RABL6: variants seen among roughly 807,000 people sequenced by gnomAD.
RABL6 encodes RAB, member RAS oncogene family like 6, also known as rab-like protein 6.
Under a neutral mutation model 72.9 loss-of-function variants are expected in RABL6, and 28 were observed. The observed-to-expected ratio is 0.38, with a 90% CI of 0.28 to 0.53. RABL6 has a LOEUF of 0.53. Among genes scored for constraint, RABL6 ranks in the 20% least tolerant of loss-of-function variants. The pLI, the probability that RABL6 is intolerant of heterozygous loss-of-function variation, is 0.80. For synonymous variants in RABL6, 477 were observed against 421.2 expected (o/e 1.13, Z -1.62); for missense variants, 1,029 against 1,008.4 (o/e 1.02, Z -0.28).
At chr9:136,828,597 G>T in intron 4 of RABL6, 51 bp downstream of exon 4, 1 of 1,573,416 alleles carries the variant, frequency 6.4e-7, no homozygotes. Flanking sequence ...CCCGGGGTGC[G>T]TGAGCCGGTG....
At chr9:136,819,401 G>A (rs1353763013) in intron 1 of RABL6, among the ~76,000 whole-genome samples, 1 of 151,856 alleles carries the variant, frequency 6.6e-6, no homozygotes, top group African/African-American at 2.4e-5. Context: ...AGGGGCAAGG[G>A]AACCAGAGCT....
intron 4 of RABL6, 47 bp downstream of exon 4, chr9:136,828,593 G>A (rs1179727947): frequency 1.3e-6 from 2 of 1,589,712 alleles, no homozygotes; most frequent in African/African-American, 1.3e-5. Flanking sequence ...GGGCCCCGGG[G>A]TGCGTGAGCC....
chr9:136,819,695 G>C (rs892816493), intron 1 of RABL6, among the ~76,000 whole-genome samples: 6 of 152,132 alleles, frequency 3.9e-5, no homozygotes, highest in South Asian at 2.1e-4. Flanking sequence ...GAAAGAGAGC[G>C]GGTAGAAATG....
rs1389715725 is a variant in RABL6, at chr9:136,838,811, G to T, written c.1281-98G>T. On this transcript the variant is annotated intron_variant, in intron 10 of 14. Coordinates refer to ENST00000311502, the MANE Select transcript of RABL6 (RefSeq NM_024718.5). Reference sequence around the variant, plus strand: ...TGGGGTGGGGTGGCCCCACGGCCAGGGTGTGCTGGGTACCAGGGCGCCTAG... The same window carrying T: ...TGGGGTGGGGTGGCCCCACGGCCAGTGTGTGCTGGGTACCAGGGCGCCTAG... The T allele has an allele frequency of 3.6e-6, 4 of 1,125,426 alleles. No individual in the cohort carries two copies. In the African/African-American group the frequency reaches 6.3e-5, roughly 18 times the overall value. The allele number at this position is 1,125,426 out of a possible 1,614,324, so 69.7% of individuals were successfully genotyped here. A position where few individuals can be genotyped will look rare whatever the true frequency, so the allele number is the denominator to read the frequency against.
chr9:136,820,616 C>A (rs1467414941), intron 1 of RABL6, among the ~76,000 whole-genome samples: 1 of 152,150 alleles, frequency 6.6e-6, no homozygotes, highest in Admixed American at 6.5e-5. Flanking sequence ...GGTGATCCGC[C>A]CGCCTCGGCC....
rs1225530200 is a variant in RABL6, at chr9:136,831,769, G to A, written c.507G>A (p.Val169=). ...AGCTTCCAAAAGTGCCCACCCACGT[G>A]CCAGTGTGCGTGCTGGGAAACTACC... ...LRELPKVPTH[V]PVCVLGNYRD... Residue 169 remains valine, a synonymous_variant, in exon 6 of 15, where the codon GTG becomes GTA. Transcript: ENST00000311502. The A allele has an allele frequency of 3.7e-6, 6 of 1,613,412 alleles. No homozygotes were observed. The highest frequency in any genetic ancestry group is 2.5e-6 in the Non-Finnish European group (3 of 1,179,846).
chr9:136,810,293 G>A (rs1225808261), intron 1 of RABL6, among the ~76,000 whole-genome samples: 8 of 152,122 alleles, frequency 5.3e-5, no homozygotes. Flanking sequence ...CCCCTGTGTG[G>A]TCCTGGGCGA....
chr9:136,832,203 G>T, intron 6 of RABL6, 62 bp from the exon 7 acceptor site: 1 of 1,458,558 alleles, frequency 6.9e-7, no homozygotes, highest in Non-Finnish European at 9.6e-7. Context: ...TGGGCCCAGG[G>T]GTGATCCTTG....
At chr9:136,825,083 C>G (rs1035025786) in intron 2 of RABL6, among the ~76,000 whole-genome samples, 1 of 152,244 alleles carries the variant, frequency 6.6e-6, no homozygotes, top group Admixed American at 6.5e-5. Context: ...CACAACAGAG[C>G]ACAGTCATGG....
At chr9:136,814,072 G>T in intron 1 of RABL6, 2 of 368,934 alleles carry the variant, frequency 5.4e-6, no homozygotes, top group South Asian at 2.5e-5. Context: ...GAGTTCCAAG[G>T]CTCTTTCCAG....
chr9:136,832,506 G>A (rs1848498682), intron 7 of RABL6, 136 bp downstream of exon 7: 3 of 797,160 alleles, frequency 3.8e-6, no homozygotes, highest in Non-Finnish European at 4.4e-6. Flanking sequence ...GCTGGCAAGG[G>A]CCCAGCGTTC....
In RABL6 at chr9:136,840,657, C is replaced by CATTGGT; in HGVS notation, c.*136_*141dup. 6.5e-7 allele frequency: 1 copy of CATTGGT among 1,549,516 alleles called. No individual in the cohort carries two copies. Among genetic ancestry groups the CATTGGT allele is most frequent in the Non-Finnish European group, 8.7e-7 (1 of 1,146,842 alleles). ...CGCTTCTGAGCTGGAAGAGGCCGGG[C>CATTGGT]ATTGGTGGTCCCCAGGCTGGGCCCT... On this transcript the variant is annotated 3_prime_UTR_variant, in exon 15 of 15. Coordinates refer to ENST00000311502, the MANE Select transcript of RABL6 (RefSeq NM_024718.5).
At chr9:136,833,059 T>TG (rs1302008382) in intron 7 of RABL6, 95 of 282,296 alleles carry the variant, frequency 3.4e-4, no homozygotes, top group Non-Finnish European at 4.9e-4. Flanking sequence ...CAGCTGGGTC[T>TG]GGGGACCTGA....
intron 2 of RABL6, among the ~76,000 whole-genome samples, chr9:136,824,034 C>T (rs114754589): frequency 1.5e-3 from 225 of 152,332 alleles, no homozygotes; most frequent in African/African-American, 5.3e-3. Context: ...TCTCCACCAC[C>T]AGAAACAGTA....
chr9:136,837,600 G>A lies in RABL6; in HGVS notation c.1064G>A (p.Arg355His), dbSNP rs1217302566. 1.6e-5 allele frequency: 25 copies of A among 1,594,496 alleles called. No homozygotes were observed. Among genetic ancestry groups the A allele is most frequent in the South Asian group, 2.3e-5 (2 of 88,212 alleles). Residue 355 changes from arginine (R) to histidine (H), a missense_variant, in exon 9 of 15, where the codon CGC becomes CAC. By Grantham distance (29) the Arg-to-His change is conservative. Around this residue, in one of 2 missense-constraint regions of RABL6, gnomAD observed 434 missense variants for 536.1 expected, o/e 0.81. Transcript: ENST00000311502. ...TGCCCCTCAGCCCCCGCCCCACGGC[G>A]CAGCATCATCTCTAGGCTGTTTGGG... ...PACPSAPAPR[R>H]SIISRLFGTS... is the part of the protein sequence containing the mutation.
chr9:136,807,975 G>C lies in RABL6; in HGVS notation c.-222G>C, dbSNP rs1258436508. Reference sequence around the variant, plus strand: ...ATGGCGGCGCTGACTCCTGGAGAGCGGTCGCGCCGGAGGCCGCGGGGGCCG... The same window carrying C: ...ATGGCGGCGCTGACTCCTGGAGAGCCGTCGCGCCGGAGGCCGCGGGGGCCG... On this transcript the variant is annotated 5_prime_UTR_variant, in exon 1 of 15. Transcript: ENST00000311502. 1.4e-5 allele frequency: 14 copies of C among 1,004,882 alleles called. No homozygotes were observed. In the East Asian group the frequency reaches 1.4e-3, roughly 97 times the overall value. 62.2% of individuals were successfully genotyped at this position (1,004,882 alleles called of 1,614,324 possible). A position where few individuals can be genotyped will look rare whatever the true frequency, so the allele number is the denominator to read the frequency against.
At chr9:136,838,425 C>T (rs1310082266) in intron 10 of RABL6, among the ~76,000 whole-genome samples, 7 of 152,162 alleles carry the variant, frequency 4.6e-5, no homozygotes, top group Non-Finnish European at 8.8e-5. Flanking sequence ...GAGCCGCCTC[C>T]CCAGCCATCT....
intron 1 of RABL6, among the ~76,000 whole-genome samples, chr9:136,811,599 CAG>C (rs1588344835): frequency 1.4e-5 from 2 of 144,770 alleles, no homozygotes; most frequent in Non-Finnish European, 3.0e-5. Context: ...GCCTGGGTGA[CAG>C]AGTCAGACCC....
chr9:136,818,513 G>A (rs958912459), intron 1 of RABL6, among the ~76,000 whole-genome samples: 2 of 152,022 alleles, frequency 1.3e-5, no homozygotes, highest in African/African-American at 4.8e-5. Context: ...GGAGGCCAAG[G>A]TGGGTGGATC....
Sources: gnomAD v4.1 joint callset for allele counts (sites outside exome capture counted in the v4.1 genomes callset) on GRCh38, gnomAD v4.1.1 for gene constraint, gnomAD v4.1.1 regional missense constraint, MANE v1.5 for transcripts, NCBI Gene and HGNC (gene_info 2026-07-23, HGNC 2026-07-21) for gene names.